Variants in STPG2 observed in about 807,000 individuals in gnomAD.
The protein encoded by STPG2 is sperm-tail PG-rich repeat-containing protein 2.
Under a neutral mutation model 54.2 loss-of-function variants are expected in STPG2, and 56 were observed. That is an observed-to-expected ratio of 1.03 (90% CI 0.83 to 1.29). The LOEUF (loss-of-function observed/expected upper bound fraction) is 1.29. Among genes scored for constraint, STPG2 ranks in the 50% most tolerant of loss-of-function variants. The pLI, the probability that STPG2 is intolerant of heterozygous loss-of-function variation, is 0.00. For synonymous variants in STPG2, 200 were observed against 181.8 expected (o/e 1.10, Z -0.81); for missense variants, 596 against 544.9 (o/e 1.09, Z -0.93).
Position 97,868,639 on chromosome 4 carries a change from C to T in STPG2, c.1045-27707G>A, listed in dbSNP as rs1215417692. On this transcript the variant is annotated intron_variant, in intron 8 of 10. Coordinates refer to ENST00000295268, the MANE Select transcript of STPG2 (RefSeq NM_174952.3). ...GGTCTGCTTTCTCACATAGAGTGTA[C>T]TCCTTTACATTTTCTGGGTTTGTGC... Among the ~76,000 whole-genome samples, 4 of 151,776 alleles carry T rather than the reference C, an allele frequency of 2.6e-5. 1 individual carries two copies. The highest frequency in any genetic ancestry group is 6.6e-5 in the Admixed American group (1 of 15,158).
rs549750633 is a variant in STPG2, at chr4:97,656,670, C to T, written c.1320+56029G>A. Among the ~76,000 whole-genome samples, 24 of 150,566 alleles carry T rather than the reference C, an allele frequency of 1.6e-4. No homozygotes were observed. The South Asian group carries it at 3.6e-3, about 23-fold the overall frequency. On this transcript the variant is annotated intron_variant, in intron 10 of 10. Transcript: ENST00000295268. ...ATATAAATATATGACATAACATGCA[C>T]GTGGCATGAAATTATTTCTTTAGAT...
chr4:97,448,570 C>T (rs937101803), intron 4 of STPG2, among the ~76,000 whole-genome samples: 13 of 152,080 alleles, frequency 8.5e-5, no homozygotes, highest in Admixed American at 7.2e-4. Context: ...CTCTTTTCTC[C>T]CACCTTGTGA....
chr4:97,964,444 C>G (rs537430178), intron 7 of STPG2, among the ~76,000 whole-genome samples: 1 of 152,038 alleles, frequency 6.6e-6, no homozygotes, highest in Admixed American at 6.6e-5. Flanking sequence ...ACAAAACACA[C>G]AGAGAATTGT....
chr4:97,854,446 AAAT>A (rs1277938522), intron 8 of STPG2, among the ~76,000 whole-genome samples: 1 of 147,988 alleles, frequency 6.8e-6, no homozygotes, highest in Non-Finnish European at 1.5e-5. Flanking sequence ...AGTTATTATT[AAAT>A]AATAACAATA....
At position 98,086,666 on chromosome 4, in the gene STPG2, G is replaced by GAAAAAAAAA. The variant is rs35225418; in HGVS notation, c.612+19278_612+19286dup. 8.5e-4 allele frequency among the ~76,000 whole-genome samples: 81 copies of GAAAAAAAAA among 94,886 alleles called. 3 individuals carry two copies. Among genetic ancestry groups the GAAAAAAAAA allele is most frequent in the African/African-American group, 2.4e-3 (58 of 24,268 alleles). 62.2% of individuals were successfully genotyped at this position (94,886 alleles called of 152,430 possible). On this transcript the variant is annotated intron_variant, in intron 5 of 10. Transcript: ENST00000295268. ...ATAATGAATCCACAGATGCATGCCA[G>GAAAAAAAAA]AAAAAAAAAAAAAAAAAAAAAGGTG...
At chr4:97,907,093 G>A (rs569091620) in intron 8 of STPG2, among the ~76,000 whole-genome samples, 38 of 152,166 alleles carry the variant, frequency 2.5e-4, no homozygotes, top group South Asian at 4.2e-4. Flanking sequence ...GTTTGCAGAC[G>A]ACATGATTGT....
chr4:97,694,215 TAAATC>T (rs1723483013), intron 10 of STPG2, among the ~76,000 whole-genome samples: 1 of 151,694 alleles, frequency 6.6e-6, no homozygotes, highest in South Asian at 2.1e-4. Context: ...AAACAAAAGA[TAAATC>T]AAACAAAAGG....
At chr4:97,874,365 T>C (rs541110050) in intron 8 of STPG2, among the ~76,000 whole-genome samples, 2 of 151,874 alleles carry the variant, frequency 1.3e-5, no homozygotes, top group South Asian at 2.1e-4. Flanking sequence ...ACTTTGCTCA[T>C]GTATAATTGA....
At chr4:97,663,334 A>G (rs1722427376) in intron 10 of STPG2, among the ~76,000 whole-genome samples, 1 of 152,198 alleles carries the variant, frequency 6.6e-6, no homozygotes, top group South Asian at 2.1e-4. Flanking sequence ...ATTTTTCAAA[A>G]GTAAAATAAA....
chr4:97,492,150 T>C (rs527237737), intron 4 of STPG2, among the ~76,000 whole-genome samples: 48 of 151,584 alleles, frequency 3.2e-4, no homozygotes, highest in Non-Finnish European at 5.9e-4. Flanking sequence ...CTAAAAAATA[T>C]TTACATTAAA....
rs1284469483 is a variant in STPG2 at position 97,972,423 on chromosome 4, CATT to C, written c.787_789del (p.Asn263del). The C allele has an allele frequency of 1.8e-5, 28 of 1,553,490 alleles. No homozygotes were observed. Among genetic ancestry groups the C allele is most frequent in the African/African-American group, 1.5e-4 (11 of 71,992 alleles). On this transcript the variant is annotated inframe_deletion, in exon 7 of 11. Coordinates refer to ENST00000295268, the MANE Select transcript of STPG2 (RefSeq NM_174952.3). ...CTGGCAATTATAGTATTGTTCAAGA[CATT>C]ATAAAATCCAGGACCTAAAATTATT... is the stretch of plus-strand genomic sequence containing the variant.
At chr4:97,961,059 T>C (rs1733863747) in intron 7 of STPG2, among the ~76,000 whole-genome samples, 1 of 151,220 alleles carries the variant, frequency 6.6e-6, no homozygotes, top group Non-Finnish European at 1.5e-5. Flanking sequence ...TACAGTCAAC[T>C]GGTCTTCAAC....
At chr4:97,916,314 A>G (rs1006135307) in intron 8 of STPG2, 1 of 152,598 alleles carries the variant, frequency 6.6e-6, no homozygotes, top group African/African-American at 2.4e-5. Flanking sequence ...TTGAGTTTTG[A>G]TCTGGACATG....
chr4:98,026,130 T>A (rs1319011530), intron 5 of STPG2: 4 of 1,467,344 alleles, frequency 2.7e-6, no homozygotes, highest in Admixed American at 1.8e-5. Flanking sequence ...GAGAATCCAG[T>A]CTATGAAAAG....
At chr4:98,046,959 G>T (rs567749869) in intron 5 of STPG2, among the ~76,000 whole-genome samples, 1 of 152,270 alleles carries the variant, frequency 6.6e-6, no homozygotes, top group East Asian at 1.9e-4. Flanking sequence ...TTCATCAGCT[G>T]CCAGATGTGA....
intron 9 of STPG2, among the ~76,000 whole-genome samples, chr4:97,778,861 G>C (rs1238130847): frequency 6.6e-6 from 1 of 152,198 alleles, no homozygotes; most frequent in Non-Finnish European, 1.5e-5. Flanking sequence ...CAGACCTGCA[G>C]CTGAGGGTCC....
chr4:97,617,776 G>T (rs1295060081), intron 10 of STPG2, among the ~76,000 whole-genome samples: 1 of 152,116 alleles, frequency 6.6e-6, no homozygotes, highest in Non-Finnish European at 1.5e-5. Flanking sequence ...TTAGATACCA[G>T]CACCGGATAT....
intron 5 of STPG2, among the ~76,000 whole-genome samples, chr4:98,047,920 C>G (rs1737188813): frequency 2.0e-5 from 3 of 152,144 alleles, no homozygotes; most frequent in African/African-American, 2.4e-5. Context: ...ATACGTGATA[C>G]ATAAATGTAG....
intron 5 of STPG2, among the ~76,000 whole-genome samples, chr4:97,987,594 T>G (rs1015427311): frequency 2.0e-5 from 3 of 152,180 alleles, no homozygotes; most frequent in Admixed American, 2.0e-4. Context: ...TTTAATTACA[T>G]TGATAAGTAC....
Sources: allele counts gnomAD v4.1 joint callset (sites outside exome capture counted in the v4.1 genomes callset), GRCh38; gene constraint gnomAD v4.1.1; transcripts MANE v1.5; gene names NCBI Gene and HGNC (gene_info 2026-07-23, HGNC 2026-07-21).